ANO6: variants seen among roughly 807,000 people sequenced by gnomAD.
The protein encoded by ANO6 is anoctamin 6, also known as anoctamin-6.
Under a neutral mutation model 117.5 loss-of-function variants are expected in ANO6, and 106 were observed. The ratio of observed to expected loss-of-function variants is 0.90; its 90% confidence interval spans 0.77 to 1.06. ANO6 has a LOEUF of 1.06. Ranked by LOEUF, ANO6 falls within the 50% of genes least tolerant of loss-of-function variation. The probability of loss-of-function intolerance (pLI) is 0.00; values close to 1 mark genes in which losing one functional copy is unlikely to be tolerated. For synonymous variants in ANO6, 367 were observed against 385.1 expected (o/e 0.95, Z 0.55); for missense variants, 955 against 1,121.1 (o/e 0.85, Z 2.12).
At chr12:45,314,289 A>G (rs1469038259) in intron 2 of ANO6, among the ~76,000 whole-genome samples, 1 of 151,918 alleles carries the variant, frequency 6.6e-6, no homozygotes, top group South Asian at 2.1e-4. Flanking sequence ...AAAGATGACC[A>G]TAATGTACAC....
At chr12:45,267,652 A>G (rs1186914813) in intron 1 of ANO6, among the ~76,000 whole-genome samples, 1 of 152,090 alleles carries the variant, frequency 6.6e-6, no homozygotes, top group Non-Finnish European at 1.5e-5. Context: ...TTAGCCAGGC[A>G]TGGTGGCGGG....
Position 45,431,117 on chromosome 12 carries a change from AC to A in ANO6, c.*1810del. The stretch of plus-strand genomic sequence containing the variant: ...TTTGAATTGTCCCAGTGGATCCGGG[AC>A]CCCATTTCACTGTCTCTCTTGATCG... On this transcript the variant is annotated 3_prime_UTR_variant, in exon 20 of 20. Transcript: ENST00000320560. 1.0e-6 allele frequency: 1 copy of A among 985,256 alleles called. No homozygotes were observed. The highest frequency in any genetic ancestry group is 1.7e-5 in the African/African-American group (1 of 57,322). The allele number at this position is 985,256 out of a possible 1,614,324, so 61.0% of individuals were successfully genotyped here.
chr12:45,294,653 G>A (rs7295521), intron 1 of ANO6, among the ~76,000 whole-genome samples: 149,770 of 152,346 alleles, frequency 0.98, 73,689 homozygotes, highest in Middle Eastern at 1. Context: ...GCCAGTAACA[G>A]ACTGGGTAAG....
intron 1 of ANO6, among the ~76,000 whole-genome samples, chr12:45,294,227 A>G (rs1939213835): frequency 6.6e-6 from 1 of 152,214 alleles, no homozygotes; most frequent in Non-Finnish European, 1.5e-5. Context: ...ATGATAATAC[A>G]TTATTCAAGA....
At chr12:45,252,398 T>G (rs1030515944) in intron 1 of ANO6, among the ~76,000 whole-genome samples, 2 of 152,240 alleles carry the variant, frequency 1.3e-5, no homozygotes, top group Non-Finnish European at 2.9e-5. Context: ...AAGCAAATAT[T>G]ACAGGAAAGT....
intron 16 of ANO6, among the ~76,000 whole-genome samples, chr12:45,413,277 A>C (rs1398162492): frequency 6.6e-6 from 1 of 152,240 alleles, no homozygotes; most frequent in Admixed American, 6.5e-5. Flanking sequence ...TAGTGGGCAT[A>C]GGAGTAGAGA....
chr12:45,239,702 C>T (rs1473741917), intron 1 of ANO6, among the ~76,000 whole-genome samples: 1 of 152,186 alleles, frequency 6.6e-6, no homozygotes, highest in African/African-American at 2.4e-5. Flanking sequence ...AAATTTCCCT[C>T]TGCACACTGC....
intron 1 of ANO6, among the ~76,000 whole-genome samples, chr12:45,283,488 G>T (rs1592914990): frequency 1.3e-5 from 2 of 152,178 alleles, no homozygotes; most frequent in South Asian, 4.1e-4. Context: ...TATTTCCAGA[G>T]CTTGCCCAGT....
chr12:45,338,132 T>C (rs994532857), intron 3 of ANO6, among the ~76,000 whole-genome samples: 2 of 152,098 alleles, frequency 1.3e-5, no homozygotes, highest in Non-Finnish European at 2.9e-5. Flanking sequence ...AACTTCTTAG[T>C]TGCCAAAGAA....
intron 3 of ANO6, among the ~76,000 whole-genome samples, chr12:45,337,856 A>G (rs1940870809): frequency 6.6e-6 from 1 of 152,102 alleles, no homozygotes; most frequent in African/African-American, 2.4e-5. Flanking sequence ...TCCATTATAT[A>G]TGCATATTTT....
At chr12:45,232,432 G>A (rs1231052920) in intron 1 of ANO6, among the ~76,000 whole-genome samples, 1 of 152,198 alleles carries the variant, frequency 6.6e-6, no homozygotes, top group Non-Finnish European at 1.5e-5. Context: ...ACTGAACCAG[G>A]ATAGCTGAGA....
intron 8 of ANO6, among the ~76,000 whole-genome samples, chr12:45,362,319 TGTAAGA>T (rs1241390384): frequency 6.6e-6 from 1 of 152,066 alleles, no homozygotes; most frequent in African/African-American, 2.4e-5. Flanking sequence ...TTTTTATTTT[TGTAAGA>T]GTAACAGTAA....
chr12:45,293,727 A>ATTTT (rs1442146018), intron 1 of ANO6, among the ~76,000 whole-genome samples: 1 of 38,380 alleles, frequency 2.6e-5, no homozygotes, highest in African/African-American at 7.6e-5. Flanking sequence ...TGCCTGGCTA[A>ATTTT]TGTTTTTTTT....
At chr12:45,403,338 T>C (rs1942845717) in intron 14 of ANO6, 97 bp downstream of exon 14, 2 of 1,533,614 alleles carry the variant, frequency 1.3e-6, no homozygotes, top group South Asian at 2.3e-5. Context: ...CTTAGATTTA[T>C]TTTTTAGCCT....
At chr12:45,370,561 G>T (rs1941798405) in intron 9 of ANO6, among the ~76,000 whole-genome samples, 1 of 152,182 alleles carries the variant, frequency 6.6e-6, no homozygotes, top group Non-Finnish European at 1.5e-5. Flanking sequence ...TTAGAAGATT[G>T]CATTGACTCC....
intron 1 of ANO6, among the ~76,000 whole-genome samples, chr12:45,298,098 G>C (rs936601702): frequency 2.6e-5 from 4 of 152,180 alleles, no homozygotes; most frequent in African/African-American, 7.2e-5. Context: ...GACGTATCAA[G>C]ACCAAGGTTT....
intron 1 of ANO6, among the ~76,000 whole-genome samples, chr12:45,245,303 G>T (rs1178591178): frequency 6.6e-6 from 1 of 151,908 alleles, no homozygotes; most frequent in Non-Finnish European, 1.5e-5. Flanking sequence ...TTAAATGTGG[G>T]AAATCATCTG....
chr12:45,400,088 T>C (rs1470551442), intron 12 of ANO6, among the ~76,000 whole-genome samples: 1 of 150,990 alleles, frequency 6.6e-6, no homozygotes, highest in Non-Finnish European at 1.5e-5. Context: ...AGACCCCAAT[T>C]CTTTTTACTA....
At chr12:45,424,958 CA>C (rs966787145) in intron 19 of ANO6, among the ~76,000 whole-genome samples, 5 of 150,356 alleles carry the variant, frequency 3.3e-5, no homozygotes, top group African/African-American at 1.2e-4. Context: ...AAAAAAAAAA[CA>C]AAAAAACGTG....
Sources: gnomAD v4.1 joint callset for allele counts (sites outside exome capture counted in the v4.1 genomes callset) on GRCh38, gnomAD v4.1.1 for gene constraint, MANE v1.5 for transcripts, NCBI Gene and HGNC (gene_info 2026-07-23, HGNC 2026-07-21) for gene names.